Variants in FBLN2 observed in about 807,000 individuals in gnomAD.
FBLN2 encodes the protein fibulin-2.
A neutral mutation model predicts 123.7 loss-of-function variants in FBLN2; 81 were observed. The ratio of observed to expected loss-of-function variants is 0.65; its 90% CI spans 0.55 to 0.79. FBLN2 has a LOEUF of 0.79. Among genes scored for constraint, FBLN2 ranks in the 30% least tolerant of loss-of-function variants. The pLI, the probability that FBLN2 is intolerant of heterozygous loss-of-function variation, is 0.00. For synonymous variants in FBLN2, 699 were observed against 701.4 expected (o/e 1.00, Z 0.05); for missense variants, 1,603 against 1,681.3 (o/e 0.95, Z 0.81).
chr3:13,569,343 G>C (rs1018598266), intron 1 of FBLN2, among the ~76,000 whole-genome samples: 1 of 152,172 alleles, frequency 6.6e-6, no homozygotes, highest in Non-Finnish European at 1.5e-5. Context: ...GGGGCGGGCT[G>C]TGGGGCCGTG....
At chr3:13,634,187 C>G (rs1559429707) in intron 16 of FBLN2, among the ~76,000 whole-genome samples, 1 of 152,220 alleles carries the variant, frequency 6.6e-6, no homozygotes, top group Admixed American at 6.5e-5. Flanking sequence ...CAGGACTCCC[C>G]TGTTTCGTCC....
rs111498906 is a variant in FBLN2 at position 13,631,854 on chromosome 3, T to A, written c.3214+397T>A. Among the ~76,000 whole-genome samples, 125 of 152,302 alleles carry A rather than the reference T, an allele frequency of 8.2e-4. 1 individual carries two copies. The highest frequency in any genetic ancestry group is 2.9e-3 in the African/African-American group (119 of 41,574). On this transcript the variant is annotated intron_variant, in intron 16 of 17. Coordinates refer to ENST00000404922, the MANE Select transcript of FBLN2 (RefSeq NM_001004019.2). The stretch of plus-strand genomic sequence containing the variant: ...GGGACAAGGGGATCAGGCAGGTCTG[T>A]GGACCCAGAGAGTAGGGCGGGATCC...
chr3:13,622,980 C>T (rs910141076), intron 9 of FBLN2, among the ~76,000 whole-genome samples: 3 of 152,236 alleles, frequency 2.0e-5, no homozygotes, highest in African/African-American at 4.8e-5. Flanking sequence ...GAACCTAGTG[C>T]GTTCAGGGCA....
rs1705494115 is a variant in FBLN2 at position 13,614,057 on chromosome 3, TG to T, written c.1625del (p.Gly542AlafsTer19). On this transcript the variant is annotated frameshift_variant, in exon 5 of 18. Coordinates refer to ENST00000404922, the MANE Select transcript of FBLN2 (RefSeq NM_001004019.2). LOFTEE classifies it high-confidence loss of function. ...EGQSCESNPN[L>X]GYPCNHVMLS... Reference sequence around the variant, plus strand: ...CAGTCGTGTGAGTCCAATCCTAACCTGGGCTATCCCTGCAATCATGTCATGC... The same window carrying T: ...CAGTCGTGTGAGTCCAATCCTAACCTGGCTATCCCTGCAATCATGTCATGC... The T allele has an allele frequency of 1.2e-6, 2 of 1,613,626 alleles. No individual in the cohort carries two copies.
chr3:13,555,467 T>C (rs1703437212), intron 1 of FBLN2, among the ~76,000 whole-genome samples: 1 of 152,082 alleles, frequency 6.6e-6, no homozygotes, highest in African/African-American at 2.4e-5. Context: ...CATTTATTTA[T>C]TTTTTGAGAT....
At position 13,594,134 on chromosome 3, in the gene FBLN2, A is replaced by G. The variant is rs9871527; in HGVS notation, c.1307-13928A>G. On this transcript the variant is annotated intron_variant, in intron 2 of 17. Coordinates refer to ENST00000404922, the MANE Select transcript of FBLN2 (RefSeq NM_001004019.2). ...TTCTTCCCAGGCCCAGGAGTCAAGC[A>G]TTTTTTCTGGAGACTTTTGGAAAGC... 7.7e-3 allele frequency among the ~76,000 whole-genome samples: 1,174 copies of G among 152,138 alleles called. 11 individuals are homozygous for G. Among genetic ancestry groups the G allele is most frequent in the African/African-American group, 0.026 (1,091 of 41,500 alleles).
intron 1 of FBLN2, among the ~76,000 whole-genome samples, chr3:13,563,849 C>T (rs1433206300): frequency 1.3e-5 from 2 of 152,138 alleles, no homozygotes; most frequent in African/African-American, 2.4e-5. Flanking sequence ...ATTCTGGAGG[C>T]GACCCTGGGG....
At chr3:13,586,848 A>C (rs547838580) in intron 2 of FBLN2, among the ~76,000 whole-genome samples, 10 of 151,702 alleles carry the variant, frequency 6.6e-5, no homozygotes, top group African/African-American at 1.9e-4. Context: ...AAAAGTTAAA[A>C]AAAAAAAATT....
intron 4 of FBLN2, among the ~76,000 whole-genome samples, chr3:13,612,945 C>G (rs112650489): frequency 6.6e-6 from 1 of 152,244 alleles, no homozygotes; most frequent in Middle Eastern, 3.4e-3. Context: ...TTCTGCTGAC[C>G]TGAGCCACGC....
chr3:13,637,943 G>T lies in FBLN2; in HGVS notation c.*24G>T. 6.4e-7 allele frequency: 1 copy of T among 1,551,374 alleles called. No homozygotes were observed. Among genetic ancestry groups the T allele is most frequent in the Non-Finnish European group, 8.8e-7 (1 of 1,141,482 alleles). ...GAGGTGCCAGCACGGGCCACCTGCGGGTGTGGCGCAGCCCAGGGCTCACAC... is the reference window on the plus strand; with the variant it reads ...GAGGTGCCAGCACGGGCCACCTGCGTGTGTGGCGCAGCCCAGGGCTCACAC... On this transcript the variant is annotated 3_prime_UTR_variant, in exon 18 of 18. Coordinates refer to ENST00000404922, the MANE Select transcript of FBLN2 (RefSeq NM_001004019.2).
Position 13,628,893 on chromosome 3 carries a change from C to T in FBLN2, c.2570-12C>T. 3 of 1,610,738 alleles carry T rather than the reference C, an allele frequency of 1.9e-6. No homozygotes were observed. Among genetic ancestry groups the T allele is most frequent in the Non-Finnish European group, 2.5e-6 (3 of 1,178,066 alleles). ...ATGCCGGGCTCCCTGTCACCTACAC[C>T]TGCCTCTGCAGACATCAACGAGTGC... On this transcript the variant is annotated splice_polypyrimidine_tract_variant and intron_variant, in intron 11 of 17. Coordinates refer to ENST00000404922, the MANE Select transcript of FBLN2 (RefSeq NM_001004019.2).
intron 2 of FBLN2, among the ~76,000 whole-genome samples, chr3:13,588,144 T>G (rs1359570718): frequency 6.6e-6 from 1 of 152,248 alleles, no homozygotes; most frequent in Admixed American, 6.5e-5. Context: ...ATCATACTCT[T>G]ACTGTGCCTT....
Position 13,627,715 on chromosome 3 carries a change from G to A in FBLN2, c.2432-117G>A, listed in dbSNP as rs1706096655. On this transcript the variant is annotated intron_variant, in intron 10 of 17. Coordinates refer to ENST00000404922, the MANE Select transcript of FBLN2 (RefSeq NM_001004019.2). ...AATGTGGCTGTGCCAGCTTCCCAGGGAGATCTTTGTGGCCATCAGGGTCAT... is the reference window on the plus strand; with the variant it reads ...AATGTGGCTGTGCCAGCTTCCCAGGAAGATCTTTGTGGCCATCAGGGTCAT... The A allele has an allele frequency of 2.9e-5, 38 of 1,315,162 alleles. No homozygotes were observed. In the South Asian group the frequency reaches 5.4e-4, roughly 19 times the overall value. The allele number at this position is 1,315,162 out of a possible 1,614,324, so 81.5% of individuals were successfully genotyped here.
At chr3:13,570,208 G>A (rs1703884170) in intron 1 of FBLN2, 107 bp from the exon 2 acceptor site, 1 of 1,229,900 alleles carries the variant, frequency 8.1e-7, no homozygotes, top group Non-Finnish European at 1.1e-6. Context: ...ATGAGCGCAT[G>A]CGTGTGAGGT....
At chr3:13,607,940 T>G in intron 2 of FBLN2, 122 bp from the exon 3 acceptor site, 1 of 686,706 alleles carries the variant, frequency 1.5e-6, no homozygotes, top group Non-Finnish European at 2.5e-6. Flanking sequence ...GCGACCAGCA[T>G]GCACAGCAGC....
chr3:13,630,756 C>A lies in FBLN2; in HGVS notation c.3026C>A (p.Ser1009Tyr). 1 of 1,610,354 alleles carries A rather than the reference C, an allele frequency of 6.2e-7. No individual in the cohort carries two copies. The highest frequency in any genetic ancestry group is 2.2e-5 in the East Asian group (1 of 44,778). The change falls in exon 15 of 18, where the codon TCC becomes TAC. Residue 1009 changes from serine to tyrosine, a missense_variant. Physicochemically the swap from Ser to Tyr is moderately radical, Grantham distance 144 (BLOSUM62 -2). Coordinates refer to ENST00000404922, the MANE Select transcript of FBLN2 (RefSeq NM_001004019.2). ...CSQECANIYG[S>Y]YQCYCRQGYQ... ...CAGGAGTGTGCCAACATCTATGGCT[C>A]CTACCAGTGCTACTGCCGCCAGGGC...
chr3:13,630,820 C>G lies in FBLN2; in HGVS notation c.3085+5C>G. The G allele has an allele frequency of 6.3e-7, 1 of 1,587,136 alleles. No homozygotes were observed. The highest frequency in any genetic ancestry group is 8.6e-7 in the Non-Finnish European group (1 of 1,165,014). Reference sequence around the variant, plus strand: ...AGGATGGGCACACCTGCACAGGTACCTCTCCCCTGTCCAAGGGCCCCCTTC... The same window carrying G: ...AGGATGGGCACACCTGCACAGGTACGTCTCCCCTGTCCAAGGGCCCCCTTC... On this transcript the variant is annotated splice_donor_5th_base_variant and intron_variant, in intron 15 of 17. Transcript: ENST00000404922.
In FBLN2 at chr3:13,610,897, A is replaced by AATTATT. The variant is rs112793079; in HGVS notation, c.1548+1280_1548+1285dup. The stretch of plus-strand genomic sequence containing the variant: ...GGGGCAGGAGAGCCCCCTTGTTTTA[A>AATTATT]ATTATTATTATTATTATTATTATTA... On this transcript the variant is annotated intron_variant, in intron 4 of 17. Transcript: ENST00000404922. Among the ~76,000 whole-genome samples the AATTATT allele has an allele frequency of 4.7e-3, 679 of 144,818 alleles. 6 individuals are homozygous for AATTATT. The highest frequency in any genetic ancestry group is 0.018 in the Middle Eastern group (5 of 280).
Position 13,631,563 on chromosome 3 carries a change from C to T in FBLN2, c.3214+106C>T, listed in dbSNP as rs1706260137. On this transcript the variant is annotated intron_variant, in intron 16 of 17. Coordinates refer to ENST00000404922, the MANE Select transcript of FBLN2 (RefSeq NM_001004019.2). ...CTTGCGTGCACTTGGAGCCCCCACACCCAGTGAATAAATGCAGGATGGCCA... is the reference window on the plus strand; with the variant it reads ...CTTGCGTGCACTTGGAGCCCCCACATCCAGTGAATAAATGCAGGATGGCCA... The T allele has an allele frequency of 3.1e-5, 41 of 1,340,500 alleles. 1 individual carries two copies. The South Asian group carries it at 6.2e-4, about 20-fold the overall frequency. 83.0% of individuals were successfully genotyped at this position (1,340,500 alleles called of 1,614,324 possible).
Sources: allele counts gnomAD v4.1 joint callset (sites outside exome capture counted in the v4.1 genomes callset), GRCh38; gene constraint gnomAD v4.1.1; transcripts MANE v1.5; gene names NCBI Gene and HGNC (gene_info 2026-07-23, HGNC 2026-07-21).